ROR2: variants seen among roughly 807,000 people sequenced by gnomAD.
The protein encoded by ROR2 is tyrosine-protein kinase transmembrane receptor ROR2.
Under a neutral mutation model 74.9 loss-of-function variants are expected in ROR2, and 33 were observed. The observed-to-expected ratio is 0.44, with a 90% CI of 0.33 to 0.59. The LOEUF is 0.59. Among genes scored for constraint, ROR2 ranks in the 20% least tolerant of loss-of-function variants. The probability of loss-of-function intolerance (pLI) is 0.02; values close to 1 mark genes in which losing one functional copy is unlikely to be tolerated. For synonymous variants in ROR2, 586 were observed against 558.7 expected (o/e 1.05, Z -0.69); for missense variants, 1,216 against 1,313.8 (o/e 0.93, Z 1.15).
intron 1 of ROR2, among the ~76,000 whole-genome samples, chr9:91,786,647 C>G (rs1826814046): frequency 6.6e-6 from 1 of 152,176 alleles, no homozygotes; most frequent in African/African-American, 2.4e-5. Context: ...GTGAAAAGTA[C>G]TGGCCCCATA....
intron 1 of ROR2, among the ~76,000 whole-genome samples, chr9:91,872,596 A>T (rs1316248383): frequency 6.6e-6 from 1 of 152,166 alleles, no homozygotes; most frequent in Non-Finnish European, 1.5e-5. Context: ...GTGTGTTTAT[A>T]GGCCATTTTA....
intron 1 of ROR2, among the ~76,000 whole-genome samples, chr9:91,785,861 A>G (rs1826778786): frequency 1.3e-5 from 2 of 150,472 alleles, no homozygotes; most frequent in African/African-American, 4.8e-5. Flanking sequence ...AAGGTTCCAC[A>G]ATCTCTCTGA....
intron 1 of ROR2, among the ~76,000 whole-genome samples, chr9:91,858,860 T>C (rs918392267): frequency 6.6e-6 from 1 of 151,948 alleles, no homozygotes; most frequent in African/African-American, 2.4e-5. Flanking sequence ...TACAGAAAGG[T>C]TAAGCAGCTC....
rs755052303 is a variant in ROR2 at position 91,775,722 on chromosome 9, C to T, written c.175+19G>A. 11 of 1,609,008 alleles carry T rather than the reference C, an allele frequency of 6.8e-6. No homozygotes were observed. Among genetic ancestry groups the T allele is most frequent in the Non-Finnish European group, 9.4e-6 (11 of 1,175,472 alleles). ...GGGCATTTGGAGGACATGGAGAGCA[C>T]CTGCATGTCCCAGCTCACCTTTCAG... is the stretch of plus-strand genomic sequence containing the variant. On this transcript the variant is annotated intron_variant, in intron 2 of 8. Transcript: ENST00000375708.
intron 2 of ROR2, 123 bp downstream of exon 2, chr9:91,775,618 C>G (rs1826391920): frequency 5.8e-6 from 5 of 861,566 alleles, no homozygotes; most frequent in Non-Finnish European, 9.7e-6. Flanking sequence ...CCATACCCAC[C>G]ACCAGGGGGC....
chr9:91,911,507 C>G (rs756429003), intron 1 of ROR2, among the ~76,000 whole-genome samples: 2 of 151,102 alleles, frequency 1.3e-5, no homozygotes, highest in Non-Finnish European at 2.9e-5. Flanking sequence ...CGAAACATTA[C>G]GTGGCGCATT....
chr9:91,791,602 A>C (rs974663622), intron 1 of ROR2, among the ~76,000 whole-genome samples: 2 of 152,250 alleles, frequency 1.3e-5, no homozygotes, highest in African/African-American at 4.8e-5. Flanking sequence ...GCAGAAACTT[A>C]CAGAAATAAA....
rs1456230362 is a variant in ROR2 at position 91,731,023 on chromosome 9, T to C, written c.1070A>G (p.Glu357Gly). ...GCAGTAGGCGTGCCCCCCTCCAAGCTCAGGGAAGTCTGTGCTGGACAGGTG... is the reference window on the plus strand; with the variant it reads ...GCAGTAGGCGTGCCCCCCTCCAAGCCCAGGGAAGTCTGTGCTGGACAGGTG... ...SHHLSSTDFP[E>G]LGGGHAYCRN... Residue 357 changes from glutamate to glycine, a missense_variant, in exon 7 of 9, where the codon GAG becomes GGG. Glu to Gly is a moderately conservative substitution (Grantham distance 98, BLOSUM62 -2). Coordinates refer to ENST00000375708, the MANE Select transcript of ROR2 (RefSeq NM_004560.4). The C allele has an allele frequency of 5.0e-6, 8 of 1,613,932 alleles. No homozygotes were observed. The highest frequency in any genetic ancestry group is 5.9e-6 in the Non-Finnish European group (7 of 1,180,018).
At chr9:91,941,727 T>C (rs1831874201) in intron 1 of ROR2, among the ~76,000 whole-genome samples, 1 of 152,116 alleles carries the variant, frequency 6.6e-6, no homozygotes, top group Non-Finnish European at 1.5e-5. Context: ...TACCCTGTGG[T>C]GTACTGTATT....
At chr9:91,849,804 C>G (rs1221638185) in intron 1 of ROR2, among the ~76,000 whole-genome samples, 1 of 152,242 alleles carries the variant, frequency 6.6e-6, no homozygotes. Flanking sequence ...AAATCTTCCT[C>G]TGCCTGTAGG....
rs145567681 is a variant in ROR2, at chr9:91,889,203, C to T, written c.97+60664G>A. Reference sequence around the variant, plus strand: ...CACCTGGTACCAAGGAAGGAGCAACCGCTGCCTGCAAAGCTGAAGCTGCCG... The same window carrying T: ...CACCTGGTACCAAGGAAGGAGCAACTGCTGCCTGCAAAGCTGAAGCTGCCG... On this transcript the variant is annotated intron_variant, in intron 1 of 8. Transcript: ENST00000375708. Among the ~76,000 whole-genome samples, 763 of 152,286 alleles carry T rather than the reference C, an allele frequency of 5.0e-3. 2 individuals are homozygous for T. Among genetic ancestry groups the T allele is most frequent in the Non-Finnish European group, 8.2e-3 (561 of 68,036 alleles).
intron 1 of ROR2, among the ~76,000 whole-genome samples, chr9:91,938,822 T>A (rs1360587928): frequency 6.6e-6 from 1 of 152,208 alleles, no homozygotes; most frequent in Non-Finnish European, 1.5e-5. Context: ...AACCCACAGT[T>A]GAGAATTAGC....
intron 1 of ROR2, among the ~76,000 whole-genome samples, chr9:91,907,848 C>T (rs1344422767): frequency 1.3e-5 from 2 of 152,176 alleles, no homozygotes; most frequent in African/African-American, 4.8e-5. Flanking sequence ...CCAGCTGCAG[C>T]GTGGATCGGA....
At chr9:91,756,213 G>T in intron 3 of ROR2, 112 bp from the exon 4 acceptor site, 2 of 1,018,936 alleles carry the variant, frequency 2.0e-6, no homozygotes, top group South Asian at 2.6e-5. Context: ...TCACTGGTGG[G>T]CAGCTGTCCT....
chr9:91,885,318 C>G (rs6479378), intron 1 of ROR2, among the ~76,000 whole-genome samples: 63,119 of 151,084 alleles, frequency 0.42, 15,265 homozygotes, highest in African/African-American at 0.66. Flanking sequence ...GGTTGGGGGG[C>G]GGTAGGGCAG....
At chr9:91,882,410 CAAAA>C (rs35759814) in intron 1 of ROR2, among the ~76,000 whole-genome samples, 1 of 118,620 alleles carries the variant, frequency 8.4e-6, no homozygotes, top group African/African-American at 3.0e-5. Flanking sequence ...GACTCTGTCT[CAAAA>C]AAAAAAAAAA....
intron 1 of ROR2, among the ~76,000 whole-genome samples, chr9:91,877,412 G>A (rs915131133): frequency 1.2e-4 from 18 of 152,162 alleles, no homozygotes; most frequent in Non-Finnish European, 2.4e-4. Flanking sequence ...CTAAGTGGAC[G>A]GGGACAGAAA....
In ROR2 at chr9:91,739,031, C is replaced by T. The variant is rs1825130760; in HGVS notation, c.495-1513G>A. On this transcript the variant is annotated intron_variant, in intron 4 of 8. Transcript: ENST00000375708. Reference sequence around the variant, plus strand: ...CGCCAATGAGCCACAGCAGACACATCGGGGGCTGCCACTGCTGGCAGAAGA... The same window carrying T: ...CGCCAATGAGCCACAGCAGACACATTGGGGGCTGCCACTGCTGGCAGAAGA... Among the ~76,000 whole-genome samples the T allele has an allele frequency of 2.0e-5, 3 of 152,210 alleles. No individual in the cohort carries two copies. The South Asian group carries it at 6.2e-4, about 32-fold the overall frequency.
At position 91,730,923 on chromosome 9, in the gene ROR2, G is replaced by A. The variant is rs750828736; in HGVS notation, c.1170C>T (p.Asp390=). ...QNKNVRMELC[D]VPSCSPRDSS... is the part of the protein sequence containing the mutation. ...GAGAATACATACTACACGAGGGTAC[G>A]TCACACAGTTCCATGCGTACGTTTT... The change falls in exon 7 of 9, where the codon GAC becomes GAT. Residue 390 remains aspartate (D), a synonymous_variant. Coordinates refer to ENST00000375708, the MANE Select transcript of ROR2 (RefSeq NM_004560.4). The A allele has an allele frequency of 8.7e-6, 14 of 1,614,010 alleles. No homozygotes were observed. Among genetic ancestry groups the A allele is most frequent in the African/African-American group, 8.0e-5 (6 of 74,926 alleles).
Sources: allele counts gnomAD v4.1 joint callset (sites outside exome capture counted in the v4.1 genomes callset), GRCh38; gene constraint gnomAD v4.1.1; transcripts MANE v1.5; gene names NCBI Gene and HGNC (gene_info 2026-07-23, HGNC 2026-07-21).